EIF3B: variants seen among roughly 807,000 people sequenced by gnomAD.
EIF3B encodes eukaryotic translation initiation factor 3 subunit 9.
In EIF3B, 10 loss-of-function variants were observed where a neutral mutation model predicts 104.6. That is an observed-to-expected ratio of 0.10 (90% CI 0.06 to 0.16). EIF3B has a LOEUF of 0.16. Ranked by LOEUF, EIF3B falls within the 10% of genes least tolerant of loss-of-function variation. The pLI is 1.00. For missense variants in EIF3B, 1,014 were observed against 1,087.9 expected (o/e 0.93, Z 0.96); for synonymous variants, 542 against 417.2 (o/e 1.30, Z -3.65).
chr7:2,370,337 C>T (rs1384670180), intron 10 of EIF3B, among the ~76,000 whole-genome samples: 14 of 151,930 alleles, frequency 9.2e-5, no homozygotes, highest in African/African-American at 3.4e-4. Flanking sequence ...ATTAGCTGGG[C>T]GTGGTGGGAG....
intron 5 of EIF3B, 70 bp from the exon 6 acceptor site, chr7:2,364,302 A>G: frequency 2.2e-6 from 3 of 1,376,254 alleles, no homozygotes; most frequent in Non-Finnish European, 3.0e-6. Flanking sequence ...TGTAGGATAA[A>G]TTCATTGTAG....
rs781704643 is a variant in EIF3B, at chr7:2,355,101, C to T, written c.180C>T (p.Ala60=). 7.4e-7 allele frequency: 1 copy of T among 1,350,358 alleles called. No individual in the cohort carries two copies. Among genetic ancestry groups the T allele is most frequent in the Non-Finnish European group, 9.5e-7 (1 of 1,056,622 alleles). 83.6% of individuals were successfully genotyped at this position (1,350,358 alleles called of 1,614,324 possible). ...ASSEEVGIAE[A]GPESEVRTEP... ...GTGAGGAGGTGGGGATCGCGGAGGC[C>T]GGGCCGGAGTCCGAGGTGAGGACCG... is the stretch of plus-strand genomic sequence containing the variant. Residue 60 remains alanine (A), a synonymous_variant, in exon 1 of 19, where the codon GCC becomes GCT. Transcript: ENST00000360876.
At chr7:2,361,548 T>A (rs1476051064) in intron 2 of EIF3B, among the ~76,000 whole-genome samples, 1 of 151,966 alleles carries the variant, frequency 6.6e-6, no homozygotes, top group Non-Finnish European at 1.5e-5. Context: ...GCCTCCCTAG[T>A]AGCTGGGACT....
Position 2,363,113 on chromosome 7 carries a change from C to T in EIF3B, c.856C>T (p.Pro286Ser). 2 of 1,613,978 alleles carry T rather than the reference C, an allele frequency of 1.2e-6. No individual in the cohort carries two copies. Among genetic ancestry groups the T allele is most frequent in the Non-Finnish European group, 8.5e-7 (1 of 1,179,984 alleles). The part of the protein sequence containing the change: ...SDEWDIPEKQ[P>S]FKDLGNLRYW... Reference sequence around the variant, plus strand: ...CGAGTGGGATATTCCAGAGAAACAGCCTTTCAAAGACCTGGTGAGTGGCCT... The same window carrying T: ...CGAGTGGGATATTCCAGAGAAACAGTCTTTCAAAGACCTGGTGAGTGGCCT... The change falls in exon 4 of 19, where the codon CCT (proline) becomes TCT (serine). Residue 286 changes from proline to serine, a missense_variant. Pro to Ser is a moderately conservative substitution (Grantham distance 74). This residue lies in a region of EIF3B where 201 missense variants were observed against 240.7 expected (regional missense o/e 0.83). Coordinates refer to ENST00000360876, the MANE Select transcript of EIF3B (RefSeq NM_001037283.2).
intron 9 of EIF3B, among the ~76,000 whole-genome samples, chr7:2,367,302 C>T (rs911948066): frequency 6.6e-6 from 1 of 151,928 alleles, no homozygotes; most frequent in South Asian, 2.1e-4. Flanking sequence ...TCTGTAAAGT[C>T]TCTCATCTCA....
chr7:2,372,542 C>A (rs895090237), intron 11 of EIF3B, 131 bp from the exon 12 acceptor site: 2 of 1,167,796 alleles, frequency 1.7e-6, no homozygotes, highest in African/African-American at 1.5e-5. Context: ...TGCTTGCTCT[C>A]CCGTCCTTTT....
At chr7:2,379,588 G>C (rs141678639) in intron 18 of EIF3B, 77 bp downstream of exon 18, 4 of 932,876 alleles carry the variant, frequency 4.3e-6, no homozygotes, top group Non-Finnish European at 6.7e-6. Context: ...CACTGAGGAA[G>C]CACCTCCTTT....
At chr7:2,361,714 C>G (rs1184098069) in intron 2 of EIF3B, among the ~76,000 whole-genome samples, 5 of 152,104 alleles carry the variant, frequency 3.3e-5, no homozygotes, top group African/African-American at 9.7e-5. Flanking sequence ...CCACCGCGCC[C>G]GGCCTCTCTG....
At position 2,360,769 on chromosome 7, in the gene EIF3B, A is replaced by G; in HGVS notation, c.559A>G (p.Ile187Val). 6.2e-7 allele frequency: 1 copy of G among 1,606,434 alleles called. No individual in the cohort carries two copies. The highest frequency in any genetic ancestry group is 1.3e-5 in the African/African-American group (1 of 74,976). The change falls in exon 2 of 19, where the codon ATT becomes GTT. Residue 187 changes from isoleucine (I) to valine (V), a missense_variant. Around this residue, in one of 4 missense-constraint regions of EIF3B, gnomAD observed 488 missense variants for 404.3 expected, o/e 1.21. Transcript: ENST00000360876. ...GGAAGCAGATGGAATCGATTCGGTG[A>G]TTGTAGTGGACAATGTCCCTCAGGT... is the stretch of plus-strand genomic sequence containing the variant. ...PQEADGIDSV[I>V]VVDNVPQVGP...
chr7:2,356,614 AAAAAG>A (rs1274756967), intron 1 of EIF3B, among the ~76,000 whole-genome samples: 22 of 147,152 alleles, frequency 1.5e-4, no homozygotes, highest in African/African-American at 5.1e-4. Context: ...AAAAAAAAAA[AAAAAG>A]AAAAAGAAAA....
intron 16 of EIF3B, 75 bp downstream of exon 16, chr7:2,378,841 G>T: frequency 1.5e-6 from 2 of 1,306,566 alleles, no homozygotes; most frequent in Non-Finnish European, 1.1e-6. Context: ...GCGGGGAGCT[G>T]CTGTGTATGT....
chr7:2,361,927 C>G (rs1779754302), intron 2 of EIF3B, among the ~76,000 whole-genome samples: 1 of 151,674 alleles, frequency 6.6e-6, no homozygotes, highest in African/African-American at 2.4e-5. Context: ...CAGGCGCACA[C>G]TACCACGCCT....
At chr7:2,362,507 G>A (rs908241717) in intron 2 of EIF3B, 138 bp from the exon 3 acceptor site, 1 of 1,068,384 alleles carries the variant, frequency 9.4e-7, no homozygotes, top group Admixed American at 2.3e-5. Context: ...CCGTGTGACT[G>A]CCTTAGGCTC....
chr7:2,357,664 T>C (rs1562474330), intron 1 of EIF3B, among the ~76,000 whole-genome samples: 2 of 152,232 alleles, frequency 1.3e-5, no homozygotes, highest in Non-Finnish European at 2.9e-5. Flanking sequence ...TATTTAGTGT[T>C]GAGAATTGTT....
At chr7:2,370,633 T>G (rs546946160) in intron 10 of EIF3B, among the ~76,000 whole-genome samples, 1 of 152,212 alleles carries the variant, frequency 6.6e-6, no homozygotes, top group East Asian at 1.9e-4. Flanking sequence ...TGTTCAGAGT[T>G]ATGCAGCCAC....
intron 9 of EIF3B, among the ~76,000 whole-genome samples, chr7:2,367,438 T>C (rs953560104): frequency 6.6e-6 from 1 of 151,116 alleles, no homozygotes; most frequent in African/African-American, 2.4e-5. Flanking sequence ...TTGCAGTTGG[T>C]TTCCTTTATT....
At chr7:2,365,376 T>C (rs572985589) in intron 6 of EIF3B, among the ~76,000 whole-genome samples, 1 of 151,882 alleles carries the variant, frequency 6.6e-6, no homozygotes, top group African/African-American at 2.4e-5. Context: ...GAAGGCAGTG[T>C]GAGGCGAACG....
intron 16 of EIF3B, 165 bp downstream of exon 16, chr7:2,378,931 G>T: frequency 1.3e-6 from 1 of 765,504 alleles, no homozygotes. Context: ...GGGTTGGCAC[G>T]GGGACTTGGA....
At chr7:2,378,886 C>T (rs1780836528) in intron 16 of EIF3B, 120 bp downstream of exon 16, 1 of 940,446 alleles carries the variant, frequency 1.1e-6, no homozygotes, top group South Asian at 1.5e-5. Flanking sequence ...GACACTGGTT[C>T]TGTTCCCCCC....
Sources: gnomAD v4.1 joint callset for allele counts (sites outside exome capture counted in the v4.1 genomes callset) on GRCh38, gnomAD v4.1.1 for gene constraint, gnomAD v4.1.1 regional missense constraint, MANE v1.5 for transcripts, NCBI Gene and HGNC (gene_info 2026-07-23, HGNC 2026-07-21) for gene names.